The following AGAP1 variants were observed in gnomAD, a reference collection of about 807,000 sequenced individuals.
AGAP1 encodes the protein ArfGAP with GTPase domain, ankyrin repeat and PH domain 1.
Under a neutral mutation model 105.3 loss-of-function variants are expected in AGAP1, and 29 were observed. The ratio of observed to expected loss-of-function variants is 0.28; its 90% confidence interval spans 0.21 to 0.38. The LOEUF is 0.38. Among genes scored for constraint, AGAP1 ranks in the 10% least tolerant of loss-of-function variants. The probability of loss-of-function intolerance (pLI) is 1.00; values close to 1 mark genes in which losing one functional copy is unlikely to be tolerated. For missense variants in AGAP1, 998 were observed against 1,165.1 expected (o/e 0.86, Z 2.09); for synonymous variants, 509 against 485.9 (o/e 1.05, Z -0.63).
At chr2:236,071,800 C>T (rs1162654981) in intron 16 of AGAP1, among the ~76,000 whole-genome samples, 1 of 152,206 alleles carries the variant, frequency 6.6e-6, no homozygotes, top group Non-Finnish European at 1.5e-5. Flanking sequence ...GCTGCTCAGC[C>T]CCTGTTCAGG....
chr2:236,031,872 G>A (rs1305618727), intron 13 of AGAP1, among the ~76,000 whole-genome samples: 2 of 152,144 alleles, frequency 1.3e-5, no homozygotes, highest in Non-Finnish European at 2.9e-5. Context: ...CACCCTGAGT[G>A]ATAGAGACAG....
intron 9 of AGAP1, among the ~76,000 whole-genome samples, chr2:235,859,390 A>ACCCC (rs1464279454): frequency 1.4e-4 from 3 of 21,386 alleles, no homozygotes; most frequent in Non-Finnish European, 2.2e-4. Context: ...TCCCCCCACA[A>ACCCC]CCTCCCCCCC....
chr2:235,930,366 T>C lies in AGAP1; in HGVS notation c.1325-399T>C, dbSNP rs369532197. ...AATGGGTGATCATTTTCTGTTCCAT[T>C]GGTAGGGTGACATGGCCGGGCTCCT... On this transcript the variant is annotated intron_variant, in intron 11 of 17. Transcript: ENST00000304032. This position sits in a 1 kb window ranked among gnomAD's most constrained non-coding sequence, Gnocchi z 7.9. 1.5e-4 allele frequency among the ~76,000 whole-genome samples: 23 copies of C among 152,274 alleles called. No homozygotes were observed. The East Asian group carries it at 4.5e-3, about 29-fold the overall frequency.
chr2:235,835,878 TCAC>T (rs1330633523), intron 9 of AGAP1, among the ~76,000 whole-genome samples: 1 of 152,238 alleles, frequency 6.6e-6, no homozygotes, highest in East Asian at 1.9e-4. Flanking sequence ...GCTCCGGCTG[TCAC>T]CGTGATTATT....
chr2:235,522,269 G>A (rs1273895800), intron 1 of AGAP1, among the ~76,000 whole-genome samples: 4 of 152,138 alleles, frequency 2.6e-5, no homozygotes, highest in Admixed American at 6.5e-5. Flanking sequence ...ATGTCACGTC[G>A]GTTGAGGATT....
chr2:235,838,214 A>G (rs1411709980), intron 9 of AGAP1, among the ~76,000 whole-genome samples: 1 of 145,544 alleles, frequency 6.9e-6, no homozygotes, highest in Non-Finnish European at 1.5e-5. Flanking sequence ...GAAAAGAGGG[A>G]ATGCCAGGGT....
Position 235,621,801 on chromosome 2 carries a change from C to T in AGAP1, c.164-87378C>T, listed in dbSNP as rs1049676376. On this transcript the variant is annotated intron_variant, in intron 1 of 17. Transcript: ENST00000304032. The surrounding 1 kb of genome is among the most constrained non-coding windows in gnomAD (Gnocchi z 4.1). The stretch of plus-strand genomic sequence containing the variant: ...CTATTCCCAGTCTAACAGGAGAGGG[C>T]ACATGGCAGTAACCCCCTGGGAGCG... Among the ~76,000 whole-genome samples, 5 of 152,182 alleles carry T rather than the reference C, an allele frequency of 3.3e-5. No individual in the cohort carries two copies.
At chr2:235,806,950 A>G (rs745538093) in intron 8 of AGAP1, among the ~76,000 whole-genome samples, 2 of 152,190 alleles carry the variant, frequency 1.3e-5, no homozygotes, top group Non-Finnish European at 1.5e-5. Flanking sequence ...TTACTTTCCC[A>G]TATGGCCCAT....
rs150192066 is a variant in AGAP1 at position 235,930,066 on chromosome 2, A to G, written c.1325-699A>G. Among the ~76,000 whole-genome samples the G allele has an allele frequency of 7.1e-3, 1,083 of 152,356 alleles. 8 individuals are homozygous for G. Among genetic ancestry groups the G allele is most frequent in the African/African-American group, 0.024 (998 of 41,574 alleles). ...ACTTAATTATGTTTTTGAGTCTAAA[A>G]TTGGTATGACCAGATAATAATTCAT... On this transcript the variant is annotated intron_variant, in intron 11 of 17. Transcript: ENST00000304032. The surrounding 1 kb of genome is among the most constrained non-coding windows in gnomAD (Gnocchi z 7.9).
chr2:235,501,736 G>A (rs753967703), intron 1 of AGAP1, among the ~76,000 whole-genome samples: 1 of 151,908 alleles, frequency 6.6e-6, no homozygotes, highest in African/African-American at 2.4e-5. Flanking sequence ...ATTTCGTTTC[G>A]TCTTATGTTT....
At chr2:235,518,333 A>G (rs1942480504) in intron 1 of AGAP1, among the ~76,000 whole-genome samples, 1 of 152,244 alleles carries the variant, frequency 6.6e-6, no homozygotes, top group Non-Finnish European at 1.5e-5. Context: ...CTCCACTGAC[A>G]GTGATCTCTG....
At chr2:235,565,534 G>A (rs1183525917) in intron 1 of AGAP1, among the ~76,000 whole-genome samples, 1 of 152,132 alleles carries the variant, frequency 6.6e-6, no homozygotes, top group African/African-American at 2.4e-5. Flanking sequence ...AACTAACCAG[G>A]GATTCCTGTG....
At chr2:235,848,788 C>T (rs1300464666) in intron 9 of AGAP1, among the ~76,000 whole-genome samples, 1 of 152,190 alleles carries the variant, frequency 6.6e-6, no homozygotes, top group Admixed American at 6.5e-5. Flanking sequence ...CTTTTCCCCC[C>T]AGCTAGTAAG....
rs1952122311 is a variant in AGAP1, at chr2:235,734,397, G to C, written c.311-6566G>C. Among the ~76,000 whole-genome samples the C allele has an allele frequency of 6.6e-6, 1 of 151,994 alleles. No homozygotes were observed. Among genetic ancestry groups the C allele is most frequent in the Admixed American group, 6.6e-5 (1 of 15,266 alleles). ...AGCTTGCATCTGCTGAAAGAACCGG[G>C]GTGGCCCCACTGCATCTTGATCAGA... On this transcript the variant is annotated intron_variant, in intron 3 of 17. Coordinates refer to ENST00000304032, the MANE Select transcript of AGAP1 (RefSeq NM_001037131.3). The surrounding 1 kb of genome is among the most constrained non-coding windows in gnomAD (Gnocchi z 5.3).
chr2:235,653,451 G>A (rs897515682), intron 1 of AGAP1, among the ~76,000 whole-genome samples: 3 of 151,708 alleles, frequency 2.0e-5, no homozygotes, highest in Non-Finnish European at 2.9e-5. Context: ...GCGAAAGAGC[G>A]AAGCCTCCAT....
At chr2:235,776,781 G>A (rs1374452988) in intron 6 of AGAP1, among the ~76,000 whole-genome samples, 1 of 152,114 alleles carries the variant, frequency 6.6e-6, no homozygotes, top group African/African-American at 2.4e-5. Context: ...CCTTTCCTTA[G>A]CCTCAAAGCC....
chr2:235,812,806 G>A (rs192549755), intron 9 of AGAP1, among the ~76,000 whole-genome samples: 29 of 152,324 alleles, frequency 1.9e-4, no homozygotes, highest in African/African-American at 5.5e-4. Flanking sequence ...CACCATTGAG[G>A]AACCAAGGTG....
chr2:235,892,698 A>T (rs1304487114), intron 10 of AGAP1, among the ~76,000 whole-genome samples: 1 of 152,162 alleles, frequency 6.6e-6, no homozygotes, highest in Admixed American at 6.5e-5. Flanking sequence ...TTACTTGAGG[A>T]TTGAAGATTC....
At chr2:235,999,618 T>TGATGGTGGTAGTGATTGTGGTGAC (rs1394893867) in intron 13 of AGAP1, among the ~76,000 whole-genome samples, 19 of 148,908 alleles carry the variant, frequency 1.3e-4, no homozygotes, top group African/African-American at 4.7e-4. Flanking sequence ...GTGGTGGTGA[T>TGATGGTGGTAGTGATTGTGGTGAC]GATGGTGGTA....
Sources: allele counts gnomAD v4.1 joint callset (sites outside exome capture counted in the v4.1 genomes callset), GRCh38; gene constraint gnomAD v4.1.1; non-coding constraint Gnocchi (gnomAD v3.1); transcripts MANE v1.5; gene names NCBI Gene and HGNC (gene_info 2026-07-23, HGNC 2026-07-21).